CACNA1C: variants seen among roughly 807,000 people sequenced by gnomAD.
The protein encoded by CACNA1C is calcium voltage-gated channel subunit alpha1 C, also known as voltage-dependent L-type calcium channel subunit alpha-1C.
CACNA1C carries 30 observed loss-of-function variants against 229.0 expected under a neutral mutation model. The ratio of observed to expected loss-of-function variants is 0.13; its 90% CI spans 0.10 to 0.18. The LOEUF is 0.18. Among genes scored for constraint, CACNA1C ranks in the 10% least tolerant of loss-of-function variants. The pLI is 1.00. For missense variants in CACNA1C, 1,658 were observed against 2,845.0 expected, an observed-to-expected ratio of 0.58 and a Z score of 9.49; for synonymous variants, 1,114 against 1,132.5, an observed-to-expected ratio of 0.98 and a Z score of 0.33.
At chr12:2,098,318 G>A (rs1197714509) in intron 1 of CACNA1C, among the ~76,000 whole-genome samples, 1 of 152,192 alleles carries the variant, frequency 6.6e-6, no homozygotes, top group African/African-American at 2.4e-5. Context: ...AATGAAAGAA[G>A]CATTGTATTT....
At chr12:2,089,256 G>A (rs1016458152) in intron 1 of CACNA1C, among the ~76,000 whole-genome samples, 1 of 152,208 alleles carries the variant, frequency 6.6e-6, no homozygotes, top group African/African-American at 2.4e-5. Context: ...CTGTCCCCCC[G>A]ACCCTGAGGT....
At chr12:2,524,359 C>G (rs2154580853) in intron 9 of CACNA1C, among the ~76,000 whole-genome samples, 1 of 152,346 alleles carries the variant, frequency 6.6e-6, no homozygotes, top group Middle Eastern at 3.4e-3. Context: ...GATGCACCAA[C>G]AGACAGGTGA....
chr12:2,420,914 G>T (rs2098972156), intron 3 of CACNA1C, among the ~76,000 whole-genome samples: 1 of 152,208 alleles, frequency 6.6e-6, no homozygotes, highest in Non-Finnish European at 1.5e-5. Flanking sequence ...CCTTGGGGGT[G>T]CTCTGAAACC....
intron 3 of CACNA1C, among the ~76,000 whole-genome samples, chr12:2,325,863 G>A (rs1307049298): frequency 6.6e-6 from 1 of 152,250 alleles, no homozygotes; most frequent in African/African-American, 2.4e-5. Flanking sequence ...GGCCAGGGAG[G>A]AAGAGGGGGA....
rs1439021098 is a variant in CACNA1C, at chr12:2,467,621, A to G, written c.757+9915A>G. On this transcript the variant is annotated intron_variant, in intron 5 of 46. Coordinates refer to ENST00000399655, the MANE Select transcript of CACNA1C (RefSeq NM_000719.7). The surrounding 1 kb of genome is among the most constrained non-coding windows in gnomAD (Gnocchi z 4.6). ...GGCGGGGGGCCCTTCACACTGCAGG[A>G]GGCTTGCCTCTAAGAAACAGAATTT... Among the ~76,000 whole-genome samples, 1 of 152,124 alleles carries G rather than the reference A, an allele frequency of 6.6e-6. No homozygotes were observed. Among genetic ancestry groups the G allele is most frequent in the Non-Finnish European group, 1.5e-5 (1 of 67,990 alleles).
chr12:2,364,730 G>A (rs2097677657), intron 3 of CACNA1C, among the ~76,000 whole-genome samples: 1 of 152,114 alleles, frequency 6.6e-6, no homozygotes, highest in Non-Finnish European at 1.5e-5. Context: ...AATCATGGAG[G>A]AGAAAGACCA....
At chr12:2,045,983 T>G (rs902984183) in intron 1 of CACNA1C, among the ~76,000 whole-genome samples, 1 of 151,244 alleles carries the variant, frequency 6.6e-6, no homozygotes, top group African/African-American at 2.4e-5. Flanking sequence ...GGAGGCAAGG[T>G]GACCATGGAG....
chr12:2,246,942 G>A (rs2073562422), intron 3 of CACNA1C, among the ~76,000 whole-genome samples: 1 of 152,082 alleles, frequency 6.6e-6, no homozygotes. Flanking sequence ...CCCCTTCCAG[G>A]CCGTTCTTCC....
At chr12:1,989,273 T>C (rs796616319) in intron 1 of CACNA1C, among the ~76,000 whole-genome samples, 4 of 152,302 alleles carry the variant, frequency 2.6e-5, no homozygotes, top group African/African-American at 9.6e-5. Context: ...GAGTTCAAGG[T>C]TGCAATGAGG....
chr12:2,499,737 G>A (rs942598470), intron 7 of CACNA1C, among the ~76,000 whole-genome samples: 6 of 152,086 alleles, frequency 3.9e-5, no homozygotes, highest in Non-Finnish European at 7.4e-5. Context: ...TGAGGAACAC[G>A]GCTTAATGGC....
At chr12:2,137,308 G>A (rs2093636822) in intron 3 of CACNA1C, among the ~76,000 whole-genome samples, 1 of 151,260 alleles carries the variant, frequency 6.6e-6, no homozygotes, top group Admixed American at 6.6e-5. Flanking sequence ...AGGTTTCTCG[G>A]CTGTGAAATA....
At chr12:2,066,312 A>T (rs2059246247) in intron 1 of CACNA1C, among the ~76,000 whole-genome samples, 1 of 152,008 alleles carries the variant, frequency 6.6e-6, no homozygotes, top group South Asian at 2.1e-4. Flanking sequence ...CATTGGGGAG[A>T]GAGAGAGCAG....
chr12:2,191,078 G>A (rs535618278), intron 3 of CACNA1C, among the ~76,000 whole-genome samples: 14 of 152,250 alleles, frequency 9.2e-5, no homozygotes, highest in African/African-American at 2.6e-4. Flanking sequence ...TGTGGTGCAC[G>A]TCAGCCATGT....
intron 3 of CACNA1C, among the ~76,000 whole-genome samples, chr12:2,323,925 G>A (rs772218168): frequency 1.3e-5 from 2 of 152,176 alleles, no homozygotes; most frequent in Non-Finnish European, 2.9e-5. Flanking sequence ...CGTACAGTGG[G>A]GTAGTGGTGG....
In CACNA1C at chr12:2,569,122, C is replaced by T. The variant is rs539491301; in HGVS notation, c.1895+1328C>T. Among the ~76,000 whole-genome samples, 5 of 152,242 alleles carry T rather than the reference C, an allele frequency of 3.3e-5. No individual in the cohort carries two copies. In the South Asian group the frequency reaches 1.0e-3, roughly 32 times the overall value. ...ACCCTCTGTCCACATGGCCACCCCT[C>T]CATATGTCAGTCCGGCACCTACCCA... On this transcript the variant is annotated intron_variant, in intron 13 of 46. Transcript: ENST00000399655.
At chr12:2,022,693 C>T (rs1440390764) in intron 1 of CACNA1C, among the ~76,000 whole-genome samples, 2 of 152,136 alleles carry the variant, frequency 1.3e-5, no homozygotes, top group African/African-American at 4.8e-5. Flanking sequence ...GATCCTCCCG[C>T]CTCAGCCTCC....
chr12:2,124,118 G>A lies in CACNA1C; in HGVS notation c.477+3688G>A, dbSNP rs973529306. Reference sequence around the variant, plus strand: ...TTCCACTGGTCTAGCTCGTGTGTGTGTGTGTGTGTGTGTGTGTGTGTGTGT... The same window carrying A: ...TTCCACTGGTCTAGCTCGTGTGTGTATGTGTGTGTGTGTGTGTGTGTGTGT... On this transcript the variant is annotated intron_variant, in intron 3 of 46. Transcript: ENST00000399655. 1.3e-4 allele frequency among the ~76,000 whole-genome samples: 8 copies of A among 60,466 alleles called. No individual in the cohort carries two copies. In the South Asian group the frequency reaches 3.6e-3, roughly 27 times the overall value. 39.7% of individuals were successfully genotyped at this position (60,466 alleles called of 152,430 possible). A position where few individuals can be genotyped will look rare whatever the true frequency, so the allele number is the denominator to read the frequency against.
At chr12:2,328,868 T>C (rs775074382) in intron 3 of CACNA1C, among the ~76,000 whole-genome samples, 1 of 152,234 alleles carries the variant, frequency 6.6e-6, no homozygotes, top group Non-Finnish European at 1.5e-5. Flanking sequence ...ACAAGGCCAC[T>C]CAAGGCAGCC....
chr12:2,165,139 G>A (rs1330927075), intron 3 of CACNA1C, among the ~76,000 whole-genome samples: 1 of 152,182 alleles, frequency 6.6e-6, no homozygotes, highest in East Asian at 1.9e-4. Context: ...AAAAACATGG[G>A]TTGACTCTCT....
Sources: gnomAD v4.1 joint callset for allele counts (sites outside exome capture counted in the v4.1 genomes callset) on GRCh38, gnomAD v4.1.1 for gene constraint, Gnocchi (gnomAD v3.1) non-coding constraint, MANE v1.5 for transcripts, NCBI Gene and HGNC (gene_info 2026-07-23, HGNC 2026-07-21) for gene names.